KMT2B: variants seen among roughly 807,000 people sequenced by gnomAD.
The protein encoded by KMT2B is histone-lysine N-methyltransferase 2B.
In KMT2B, 22 loss-of-function variants were observed where a neutral mutation model predicts 255.3. The observed-to-expected ratio is 0.09, with a 90% CI of 0.06 to 0.12. KMT2B has a LOEUF of 0.12. Ranked by LOEUF, KMT2B falls within the 10% of genes least tolerant of loss-of-function variation. KMT2B has a pLI of 1.00. For missense variants in KMT2B, 3,149 were observed against 3,737.0 expected (o/e 0.84, Z 4.10); for synonymous variants, 1,730 against 1,498.1 (o/e 1.15, Z -3.57).
Position 35,733,158 on chromosome 19 carries a change from G to A in KMT2B, c.6609G>A (p.Lys2203=). 6.3e-7 allele frequency: 1 copy of A among 1,576,882 alleles called. No homozygotes were observed. ...LVNKLGQVFV[K]MAGEGEPVPP... ...ACAAGCTGGGGCAAGTATTTGTGAA[G>A]ATGGCTGGGGAGGGTGAACCTGTCC... The change falls in exon 28 of 37, where the codon AAG becomes AAA. Residue 2203 remains lysine, a synonymous_variant. Transcript: ENST00000420124. The surrounding 1 kb of genome is among the most constrained non-coding windows in gnomAD (Gnocchi z 4.3).
chr19:35,729,043 A>G lies in KMT2B; in HGVS notation c.4746A>G (p.Ala1582=), dbSNP rs900748118. The change falls in exon 21 of 37, where the codon GCA becomes GCG. Residue 1582 remains alanine (A), a synonymous_variant. Transcript: ENST00000420124. ...ACCTGGAGGACCCCCGTCAGTGTGCACTCTGCCTCAAATACGGGGATGCAG... is the reference window on the plus strand; with the variant it reads ...ACCTGGAGGACCCCCGTCAGTGTGCGCTCTGCCTCAAATACGGGGATGCAG... ...FSHLEDPRQC[A]LCLKYGDADS... is the part of the protein sequence containing the mutation. 4 of 1,613,712 alleles carry G rather than the reference A, an allele frequency of 2.5e-6. No individual in the cohort carries two copies. The highest frequency in any genetic ancestry group is 2.7e-5 in the African/African-American group (2 of 74,840).
intron 9 of KMT2B, 40 bp downstream of exon 9, chr19:35,724,771 G>C: frequency 6.6e-7 from 1 of 1,514,336 alleles, no homozygotes; most frequent in African/African-American, 1.4e-5. Context: ...CCCTCCAGGA[G>C]CTACCTGGCA....
Position 35,732,545 on chromosome 19 carries a change from G to T in KMT2B, c.5996G>T (p.Gly1999Val), listed in dbSNP as rs1223543367. ...CTGGACTTCGCGGCCAGCCTGCTGG[G>T]GACTGAGCCCTTCCAGGAAGAGATT... The part of the protein sequence containing the change: ...ADLDFAASLL[G>V]TEPFQEEIVA... The change falls in exon 28 of 37, where the codon GGG becomes GTG. Residue 1999 changes from glycine (G) to valine (V), a missense_variant. Around this residue, in one of 18 missense-constraint regions of KMT2B, gnomAD observed 897 missense variants for 825.3 expected, o/e 1.09. Transcript: ENST00000420124. The T allele has an allele frequency of 6.2e-7, 1 of 1,613,760 alleles. No homozygotes were observed. Among genetic ancestry groups the T allele is most frequent in the Admixed American group, 1.7e-5 (1 of 60,004 alleles).
chr19:35,729,917 C>T (rs775991155), intron 22 of KMT2B, 50 bp from the exon 23 acceptor site: 29 of 1,557,708 alleles, frequency 1.9e-5, no homozygotes, highest in East Asian at 7.0e-5. Context: ...TGGTGCCTGG[C>T]GCCCAGCCCC....
Position 35,733,827 on chromosome 19 carries a change from G to A in KMT2B, c.7114G>A (p.Gly2372Ser). ...AGATGGTCCTCCCCAGGTCCCCGAT[G>A]GTCCCCCAGACCTGCTGCTTGAGTC... ...PEDGPPQVPD[G>S]PPDLLLESQW... The change falls in exon 30 of 37, where the codon GGT (glycine) becomes AGT (serine). Residue 2372 changes from glycine to serine, a missense_variant. By Grantham distance (56) the Gly-to-Ser change is moderately conservative. Coordinates refer to ENST00000420124, the MANE Select transcript of KMT2B (RefSeq NM_014727.3). The surrounding 1 kb of genome is among the most constrained non-coding windows in gnomAD (Gnocchi z 4.3). 6.2e-7 allele frequency: 1 copy of A among 1,613,706 alleles called. No individual in the cohort carries two copies. The highest frequency in any genetic ancestry group is 1.3e-5 in the African/African-American group (1 of 75,020).
At position 35,726,256 on chromosome 19, in the gene KMT2B, C is replaced by G; in HGVS notation, c.3906C>G (p.Arg1302=). The change falls in exon 14 of 37, where the codon CGC becomes CGG. Residue 1302 remains arginine, a synonymous_variant. Transcript: ENST00000420124. ...CCCAGATCTGTTCAGCCTGTGTGCG[C>G]TGTAAGAGCTGTGGGGCAACTCCAG... is the stretch of plus-strand genomic sequence containing the variant. ...RRHWICSACV[R]CKSCGATPGK... 2 of 1,613,690 alleles carry G rather than the reference C, an allele frequency of 1.2e-6. No individual in the cohort carries two copies. The highest frequency in any genetic ancestry group is 1.7e-6 in the Non-Finnish European group (2 of 1,179,734).
chr19:35,721,280 C>T lies in KMT2B; in HGVS notation c.1933C>T (p.Leu645=). 2 of 1,543,316 alleles carry T rather than the reference C, an allele frequency of 1.3e-6. No individual in the cohort carries two copies. The change falls in exon 3 of 37, where the codon CTA becomes TTA. Residue 645 remains leucine, a synonymous_variant. Coordinates refer to ENST00000420124, the MANE Select transcript of KMT2B (RefSeq NM_014727.3). ...TCCTGCCACCTCCTCCCGGAGGCCCCTACTCCTTCGGGCCCCTCAGTTTAC... is the reference window on the plus strand; with the variant it reads ...TCCTGCCACCTCCTCCCGGAGGCCCTTACTCCTTCGGGCCCCTCAGTTTAC... ...PAPATSSRRP[L]LLRAPQFTPS...
Position 35,718,387 on chromosome 19 carries a change from G to A in KMT2B, c.363+6G>A. The A allele has an allele frequency of 7.9e-7, 1 of 1,264,394 alleles. No homozygotes were observed. Among genetic ancestry groups the A allele is most frequent in the Non-Finnish European group, 1.0e-6 (1 of 997,296 alleles). The allele number at this position is 1,264,394 out of a possible 1,614,324, so 78.3% of individuals were successfully genotyped here. A position where few individuals can be genotyped will look rare whatever the true frequency, so the allele number is the denominator to read the frequency against. Reference sequence around the variant, plus strand: ...ACGGGGAATCCGACGAGGAGGTGAGGCGGTTGGAGGCGTCCCCGGCGCCGG... The same window carrying A: ...ACGGGGAATCCGACGAGGAGGTGAGACGGTTGGAGGCGTCCCCGGCGCCGG... On this transcript the variant is annotated splice_donor_region_variant and intron_variant, in intron 1 of 36. Transcript: ENST00000420124. The surrounding 1 kb of genome is among the most constrained non-coding windows in gnomAD (Gnocchi z 5.0).
At position 35,737,982 on chromosome 19, in the gene KMT2B, G is replaced by A. The variant is rs769143984; in HGVS notation, c.7742+40G>A. 15 of 1,608,358 alleles carry A rather than the reference G, an allele frequency of 9.3e-6. No individual in the cohort carries two copies. Among genetic ancestry groups the A allele is most frequent in the East Asian group, 4.5e-5 (2 of 44,730 alleles). The stretch of plus-strand genomic sequence containing the variant: ...GGGGGAGGATGCCCCTTGGGTGGAC[G>A]GACAGGTGCACTGGGTAGGGGGTAC... On this transcript the variant is annotated intron_variant, in intron 35 of 36. Coordinates refer to ENST00000420124, the MANE Select transcript of KMT2B (RefSeq NM_014727.3). This position sits in a 1 kb window ranked among gnomAD's most constrained non-coding sequence, Gnocchi z 5.3.
chr19:35,733,365 C>T lies in KMT2B; in HGVS notation c.6816C>T (p.Pro2272=), dbSNP rs1205978165. The T allele has an allele frequency of 6.5e-7, 1 of 1,549,132 alleles. No individual in the cohort carries two copies. Among genetic ancestry groups the T allele is most frequent in the Non-Finnish European group, 8.7e-7 (1 of 1,146,354 alleles). The change falls in exon 28 of 37, where the codon CCC becomes CCT. Residue 2272 remains proline, a synonymous_variant. Transcript: ENST00000420124. This position sits in a 1 kb window ranked among gnomAD's most constrained non-coding sequence, Gnocchi z 4.3. ...LVLSSGPASP[P]RQAIRVKRVS... is the part of the protein sequence containing the mutation. The stretch of plus-strand genomic sequence containing the variant: ...TGAGCAGTGGGCCAGCCAGCCCGCC[C>T]CGCCAGGCCATCCGCGTCAAGAGGG...
intron 2 of KMT2B, 21 bp from the exon 3 acceptor site, chr19:35,719,763 C>G (rs375157251): frequency 1.3e-6 from 2 of 1,563,658 alleles, no homozygotes; most frequent in Non-Finnish European, 1.7e-6. Flanking sequence ...ATCCATCTCC[C>G]CACAACTATT....
Position 35,737,576 on chromosome 19 carries a change from A to G in KMT2B, c.7551-60A>G, listed in dbSNP as rs1471652054. On this transcript the variant is annotated intron_variant, in intron 33 of 36. Transcript: ENST00000420124. This position sits in a 1 kb window ranked among gnomAD's most constrained non-coding sequence, Gnocchi z 5.3. ...GACATCAGAAAAATGAACCCCACCCATTTCCCTGTTAGCTCTGTCTTCAAC... is the reference window on the plus strand; with the variant it reads ...GACATCAGAAAAATGAACCCCACCCGTTTCCCTGTTAGCTCTGTCTTCAAC... 3.5e-6 allele frequency: 4 copies of G among 1,139,570 alleles called. No individual in the cohort carries two copies. The highest frequency in any genetic ancestry group is 5.0e-6 in the Non-Finnish European group (4 of 801,254). 70.6% of individuals were successfully genotyped at this position (1,139,570 alleles called of 1,614,324 possible).
chr19:35,720,155 G>A lies in KMT2B; in HGVS notation c.808G>A (p.Glu270Lys), dbSNP rs1471322198. The A allele has an allele frequency of 1.2e-6, 2 of 1,600,800 alleles. No individual in the cohort carries two copies. Among genetic ancestry groups the A allele is most frequent in the East Asian group, 4.5e-5 (2 of 44,250 alleles). The change falls in exon 3 of 37, where the codon GAG becomes AAG. Residue 270 changes from glutamate (E) to lysine (K), a missense_variant. Physicochemically the swap from Glu to Lys is moderately conservative, Grantham distance 56 (BLOSUM62 1). Transcript: ENST00000420124. ...TCAGACTGGCAGCTGGAAATGCAAG[G>A]AGGGGCCCGGTCCAGGACCTGGGAC... ...KHQTGSWKCKEGPGPGPGTPR... is the reference protein window; with the variant it reads ...KHQTGSWKCKKGPGPGPGTPR...
At chr19:35,722,129 C>T (rs547525384) in intron 3 of KMT2B, among the ~76,000 whole-genome samples, 25 of 152,014 alleles carry the variant, frequency 1.6e-4, no homozygotes, top group East Asian at 3.9e-4. Context: ...CTCAGTCTCT[C>T]GAGTAGCTGG....
Position 35,732,019 on chromosome 19 carries a change from G to T in KMT2B, c.5549G>T (p.Gly1850Val). Residue 1850 changes from glycine to valine, a missense_variant, in exon 27 of 37, where the codon GGC becomes GTC. Physicochemically the swap from Gly to Val is moderately radical, Grantham distance 109. Around this residue, in one of 18 missense-constraint regions of KMT2B, gnomAD observed 897 missense variants for 825.3 expected, o/e 1.09. Coordinates refer to ENST00000420124, the MANE Select transcript of KMT2B (RefSeq NM_014727.3). ...GACCCTCCACTGCGGCCAGATTCAG[G>T]CAGCGCCCCTCCTCCAGCCCCCCGT... is the stretch of plus-strand genomic sequence containing the variant. The part of the protein sequence containing the change: ...NLDPPLRPDS[G>V]SAPPPAPRSF... 1 of 1,613,602 alleles carries T rather than the reference G, an allele frequency of 6.2e-7. No homozygotes were observed. The highest frequency in any genetic ancestry group is 8.5e-7 in the Non-Finnish European group (1 of 1,179,756).
intron 5 of KMT2B, 128 bp downstream of exon 5, chr19:35,722,846 AG>A: frequency 1.4e-6 from 2 of 1,421,726 alleles, no homozygotes; most frequent in Non-Finnish European, 1.9e-6. Flanking sequence ...AGTGGGCTGG[AG>A]TGCTAGGTCC....
Position 35,738,719 on chromosome 19 carries a change from CTCCAGCCCA to C in KMT2B, c.*169_*177del, listed in dbSNP as rs1970019283. 9 of 740,990 alleles carry C rather than the reference CTCCAGCCCA, an allele frequency of 1.2e-5. No individual in the cohort carries two copies. The highest frequency in any genetic ancestry group is 3.5e-5 in the African/African-American group (2 of 56,384). The allele number at this position is 740,990 out of a possible 1,614,324, so 45.9% of individuals were successfully genotyped here. On this transcript the variant is annotated 3_prime_UTR_variant, in exon 37 of 37. Transcript: ENST00000420124. The surrounding 1 kb of genome is among the most constrained non-coding windows in gnomAD (Gnocchi z 8.7). ...GGTGACAAGGGCCCTGCCTCCACCCCTCCAGCCCATCCAGCAATCGCCCCCTTTCTGCCC... is the reference window on the plus strand; with the variant it reads ...GGTGACAAGGGCCCTGCCTCCACCCCTCCAGCAATCGCCCCCTTTCTGCCC...
Position 35,722,484 on chromosome 19 carries a change from G to A in KMT2B, c.2571+12G>A, listed in dbSNP as rs756431170. The A allele has an allele frequency of 7.5e-6, 12 of 1,605,736 alleles. No homozygotes were observed. Among genetic ancestry groups the A allele is most frequent in the Non-Finnish European group, 1.0e-5 (12 of 1,179,334 alleles). On this transcript the variant is annotated intron_variant, in intron 4 of 36. Coordinates refer to ENST00000420124, the MANE Select transcript of KMT2B (RefSeq NM_014727.3). Reference sequence around the variant, plus strand: ...GAGAGCGGCCCTCAGTATGCATCGGGAGGAGGGCCCTGAAGAAGACTGGCG... The same window carrying A: ...GAGAGCGGCCCTCAGTATGCATCGGAAGGAGGGCCCTGAAGAAGACTGGCG...
intron 20 of KMT2B, 34 bp downstream of exon 20, chr19:35,728,923 C>T (rs1428331576): frequency 9.3e-6 from 15 of 1,612,168 alleles, no homozygotes; most frequent in Non-Finnish European, 1.2e-5. Flanking sequence ...AGCCAGGGCC[C>T]TGTGTTGGTG....
Sources: gnomAD v4.1 joint callset for allele counts (sites outside exome capture counted in the v4.1 genomes callset) on GRCh38, gnomAD v4.1.1 for gene constraint, gnomAD v4.1.1 regional missense constraint, Gnocchi (gnomAD v3.1) non-coding constraint, MANE v1.5 for transcripts, NCBI Gene and HGNC (gene_info 2026-07-23, HGNC 2026-07-21) for gene names.